Variants in ABI3BP observed in about 807,000 individuals in gnomAD.
The protein encoded by ABI3BP is ABI family member 3 binding protein.
A neutral mutation model predicts 268.6 loss-of-function variants in ABI3BP; 216 were observed. The ratio of observed to expected loss-of-function variants is 0.80; its 90% CI spans 0.72 to 0.90. The LOEUF (loss-of-function observed/expected upper bound fraction) is 0.90, where lower values mean the gene tolerates loss of function less well. Ranked by LOEUF, ABI3BP falls within the 40% of genes least tolerant of loss-of-function variation. The pLI, the probability that ABI3BP is intolerant of heterozygous loss-of-function variation, is 0.00. For synonymous variants in ABI3BP, 730 were observed against 730.0 expected (o/e 1.00, Z 0.00); for missense variants, 2,090 against 2,182.4 (o/e 0.96, Z 0.84).
intron 62 of ABI3BP, among the ~76,000 whole-genome samples, chr3:100,767,582 GC>G (rs2149776331): frequency 6.7e-6 from 1 of 149,460 alleles, no homozygotes; most frequent in South Asian, 2.1e-4. Flanking sequence ...GACTTAAAAT[GC>G]AAGTAAAATT....
chr3:100,848,773 TATC>T (rs765324729), intron 18 of ABI3BP, 25 bp downstream of exon 18: 81 of 1,592,538 alleles, frequency 5.1e-5, no homozygotes, highest in Non-Finnish European at 4.4e-5. Flanking sequence ...TGGAATTACA[TATC>T]ATGTAAATAT....
At chr3:100,787,421 A>C (rs1314242942) in intron 57 of ABI3BP, among the ~76,000 whole-genome samples, 1 of 152,152 alleles carries the variant, frequency 6.6e-6, no homozygotes, top group Non-Finnish European at 1.5e-5. Context: ...AAGCATTTTG[A>C]AATTAGGGGA....
intron 2 of ABI3BP, among the ~76,000 whole-genome samples, chr3:100,910,062 A>G (rs910870795): frequency 1.3e-5 from 2 of 152,086 alleles, no homozygotes; most frequent in Non-Finnish European, 2.9e-5. Flanking sequence ...AATGTGGCAC[A>G]TATACACTAT....
chr3:100,852,788 G>A (rs1310677233), intron 14 of ABI3BP, among the ~76,000 whole-genome samples: 1 of 152,180 alleles, frequency 6.6e-6, no homozygotes, highest in Non-Finnish European at 1.5e-5. Flanking sequence ...AAAGTAGTAT[G>A]AGCTTAAATA....
intron 58 of ABI3BP, 70 bp from the exon 59 acceptor site, chr3:100,778,446 G>C (rs2096772543): frequency 7.2e-7 from 1 of 1,394,296 alleles, no homozygotes; most frequent in Non-Finnish European, 9.9e-7. Context: ...AAAAAAACAG[G>C]GTTTTTAAAA....
At chr3:100,753,968 C>G (rs1031645568) in intron 64 of ABI3BP, 120 bp from the exon 65 acceptor site, 12 of 1,018,654 alleles carry the variant, frequency 1.2e-5, no homozygotes, top group Non-Finnish European at 1.8e-5. Context: ...AAATGGTACT[C>G]TTTTGCTAAG....
chr3:100,920,775 TTATTCTC>T (rs770546933), intron 2 of ABI3BP, among the ~76,000 whole-genome samples: 76 of 152,328 alleles, frequency 5.0e-4, no homozygotes, highest in Non-Finnish European at 9.7e-4. Flanking sequence ...TTCTGAAAGA[TTATTCTC>T]TATTTTATAA....
chr3:100,959,082 A>G (rs1029174049), intron 1 of ABI3BP, among the ~76,000 whole-genome samples: 11 of 152,180 alleles, frequency 7.2e-5, no homozygotes, highest in African/African-American at 2.7e-4. Flanking sequence ...GGAACAGGAA[A>G]ACATGCTCTA....
At chr3:100,826,023 C>A (rs2098377066) in intron 34 of ABI3BP, among the ~76,000 whole-genome samples, 179 bp from the exon 35 acceptor site, 1 of 152,084 alleles carries the variant, frequency 6.6e-6, no homozygotes, top group African/African-American at 2.4e-5. Context: ...ATTCATATGT[C>A]AAAGCCCTAA....
chr3:100,801,689 CTA>C (rs2097541686), intron 51 of ABI3BP, among the ~76,000 whole-genome samples: 1 of 151,892 alleles, frequency 6.6e-6, no homozygotes, highest in African/African-American at 2.4e-5. Context: ...AAAAAAGAAA[CTA>C]TTTTAACAAA....
chr3:100,774,898 G>T (rs1445680792), intron 60 of ABI3BP, among the ~76,000 whole-genome samples: 4 of 152,112 alleles, frequency 2.6e-5, no homozygotes, highest in African/African-American at 9.7e-5. Flanking sequence ...TAACCAAGTG[G>T]TTAATATGCA....
chr3:100,836,858 A>G (rs73135588), intron 27 of ABI3BP, among the ~76,000 whole-genome samples: 12,958 of 152,262 alleles, frequency 0.085, 598 homozygotes, highest in African/African-American at 0.12. Flanking sequence ...TGAAAGATGG[A>G]TATAGACAGA....
intron 4 of ABI3BP, among the ~76,000 whole-genome samples, chr3:100,886,844 T>C (rs1035698388): frequency 4.6e-5 from 7 of 151,936 alleles, no homozygotes; most frequent in African/African-American, 1.4e-4. Flanking sequence ...GTTTTTATTA[T>C]TAAAAAGAAG....
chr3:100,980,586 C>T (rs757861894), intron 1 of ABI3BP, among the ~76,000 whole-genome samples: 9 of 151,904 alleles, frequency 5.9e-5, no homozygotes, highest in South Asian at 2.1e-4. Flanking sequence ...TGAGAAGACA[C>T]GCAAGTGGGA....
At chr3:100,934,445 G>C (rs2065100789) in intron 1 of ABI3BP, among the ~76,000 whole-genome samples, 1 of 151,514 alleles carries the variant, frequency 6.6e-6, no homozygotes, top group South Asian at 2.1e-4. Context: ...ATAAACATAT[G>C]TGTGTATGTG....
intron 65 of ABI3BP, among the ~76,000 whole-genome samples, chr3:100,753,534 C>G (rs1267194429): frequency 6.6e-6 from 1 of 151,986 alleles, no homozygotes. Context: ...TCAAGCAATC[C>G]TCCCACCTCA....
intron 14 of ABI3BP, among the ~76,000 whole-genome samples, chr3:100,858,513 A>G (rs1306364404): frequency 6.6e-6 from 1 of 152,238 alleles, no homozygotes; most frequent in Non-Finnish European, 1.5e-5. Flanking sequence ...AGAGTCTTTT[A>G]TATCCAAGAA....
chr3:100,797,570 T>G (rs1227070033), intron 51 of ABI3BP, among the ~76,000 whole-genome samples: 8 of 151,924 alleles, frequency 5.3e-5, no homozygotes, highest in African/African-American at 1.7e-4. Context: ...CTGTTTTTTT[T>G]TTTTTTTTTT....
intron 1 of ABI3BP, among the ~76,000 whole-genome samples, chr3:100,983,726 G>A (rs891239171): frequency 2.6e-5 from 4 of 152,142 alleles, no homozygotes; most frequent in East Asian, 3.9e-4. Flanking sequence ...ATCCTAATAC[G>A]ATGATTAAAA....
Sources: allele counts gnomAD v4.1 joint callset (sites outside exome capture counted in the v4.1 genomes callset), GRCh38; gene constraint gnomAD v4.1.1; transcripts MANE v1.5; gene names NCBI Gene and HGNC (gene_info 2026-07-23, HGNC 2026-07-21).